CUL2: variants seen among roughly 807,000 people sequenced by gnomAD.
CUL2 encodes cullin 2.
Under a neutral mutation model 110.2 loss-of-function variants are expected in CUL2, and 22 were observed. That is an observed-to-expected ratio of 0.20 (90% CI 0.14 to 0.28). The LOEUF (loss-of-function observed/expected upper bound fraction) is 0.28, where lower values mean the gene tolerates loss of function less well. Among genes scored for constraint, CUL2 ranks in the 10% least tolerant of loss-of-function variants. The pLI, the probability that CUL2 is intolerant of heterozygous loss-of-function variation, is 1.00. For synonymous variants in CUL2, 279 were observed against 293.2 expected (o/e 0.95, Z 0.49); for missense variants, 631 against 905.5 (o/e 0.70, Z 3.89).
At chr10:35,023,759 G>A (rs35032841) in intron 17 of CUL2, among the ~76,000 whole-genome samples, 50,167 of 147,606 alleles carry the variant, frequency 0.34, 8,337 homozygotes, top group South Asian at 0.36. Flanking sequence ...TTTCTTAGGG[G>A]AAAAAAAAAA....
In CUL2 at chr10:35,089,317, G is replaced by C. The variant is rs534036917; in HGVS notation, c.-23+862C>G. ...TGAAAAGGAATGTAAGATTCTAAAG[G>C]GTAGGCAACAGTGTTTTGAATGTTT... On this transcript the variant is annotated intron_variant, in intron 1 of 20. Coordinates refer to ENST00000374749, the MANE Select transcript of CUL2 (RefSeq NM_003591.4). Among the ~76,000 whole-genome samples the C allele has an allele frequency of 1.1e-4, 16 of 152,302 alleles. No homozygotes were observed. The South Asian group carries it at 3.1e-3, about 30-fold the overall frequency.
chr10:35,074,897 C>T (rs1319873715), intron 1 of CUL2, among the ~76,000 whole-genome samples: 1 of 152,194 alleles, frequency 6.6e-6, no homozygotes, highest in Non-Finnish European at 1.5e-5. Flanking sequence ...CTTCATCGCT[C>T]TGAACTGTAA....
chr10:35,053,104 T>A (rs1219233686), intron 5 of CUL2, among the ~76,000 whole-genome samples: 3 of 152,182 alleles, frequency 2.0e-5, no homozygotes, highest in East Asian at 3.8e-4. Flanking sequence ...CTGCTGTGTG[T>A]GTGTGTGTTT....
rs2084865100 is a variant in CUL2 at position 35,010,229 on chromosome 10, G to C, written c.*82C>G. 2.4e-5 allele frequency: 34 copies of C among 1,389,608 alleles called. No homozygotes were observed. In the South Asian group the frequency reaches 6.2e-4, roughly 25 times the overall value. The allele number at this position is 1,389,608 out of a possible 1,614,324, so 86.1% of individuals were successfully genotyped here. On this transcript the variant is annotated 3_prime_UTR_variant, in exon 21 of 21. Coordinates refer to ENST00000374749, the MANE Select transcript of CUL2 (RefSeq NM_003591.4). The stretch of plus-strand genomic sequence containing the variant: ...GCTGCCAAATGACCAAATTATGGAG[G>C]CACAGTCCTGCTTTTTCCCACAGGA...
At position 35,031,731 on chromosome 10, in the gene CUL2, T is replaced by G; in HGVS notation, c.1171-112A>C. On this transcript the variant is annotated intron_variant, in intron 12 of 20. Coordinates refer to ENST00000374749, the MANE Select transcript of CUL2 (RefSeq NM_003591.4). The surrounding 1 kb of genome is among the most constrained non-coding windows in gnomAD (Gnocchi z 4.4). Reference sequence around the variant, plus strand: ...AGATCAGCGGACAGAATTTTTGCTGTTTTTTTTAGAGACCGGGTCTTGCTC... The same window carrying G: ...AGATCAGCGGACAGAATTTTTGCTGGTTTTTTTAGAGACCGGGTCTTGCTC... The G allele has an allele frequency of 8.9e-7, 1 of 1,122,534 alleles. No homozygotes were observed. Among genetic ancestry groups the G allele is most frequent in the Non-Finnish European group, 1.3e-6 (1 of 782,826 alleles). 69.5% of individuals were successfully genotyped at this position (1,122,534 alleles called of 1,614,324 possible). A position where few individuals can be genotyped will look rare whatever the true frequency, so the allele number is the denominator to read the frequency against.
chr10:35,084,943 C>A (rs2087024382), intron 1 of CUL2, among the ~76,000 whole-genome samples: 1 of 151,910 alleles, frequency 6.6e-6, no homozygotes, highest in Non-Finnish European at 1.5e-5. Flanking sequence ...CATGGTGAAA[C>A]CCCGTCTCTA....
intron 4 of CUL2, among the ~76,000 whole-genome samples, chr10:35,059,756 C>T (rs2086334853): frequency 6.6e-6 from 1 of 152,152 alleles, no homozygotes; most frequent in African/African-American, 2.4e-5. Context: ...AATGGATGGG[C>T]TTTGGATTCA....
At chr10:35,015,644 G>GA (rs1364925279) in intron 18 of CUL2, among the ~76,000 whole-genome samples, 2 of 151,854 alleles carry the variant, frequency 1.3e-5, no homozygotes, top group African/African-American at 4.8e-5. Flanking sequence ...CTTGTAACTA[G>GA]AAAAAAAGTT....
intron 20 of CUL2, among the ~76,000 whole-genome samples, chr10:35,011,357 C>T (rs896023845): frequency 2.0e-5 from 3 of 151,972 alleles, no homozygotes; most frequent in African/African-American, 7.2e-5. Context: ...GTGGCTCACA[C>T]CTGTAACCCC....
intron 1 of CUL2, among the ~76,000 whole-genome samples, chr10:35,087,397 C>A (rs1191635316): frequency 6.6e-6 from 1 of 152,142 alleles, no homozygotes; most frequent in African/African-American, 2.4e-5. Context: ...TTCCATGAAG[C>A]CAGAAATTTT....
chr10:35,123,101 G>A (rs1002949436), intron 1 of CUL2, among the ~76,000 whole-genome samples: 2 of 152,250 alleles, frequency 1.3e-5, no homozygotes, highest in East Asian at 3.9e-4. Flanking sequence ...CGGCACCACT[G>A]CACTCCAGCC....
At chr10:35,120,362 G>C (rs1449415572) in intron 1 of CUL2, 1 of 152,134 alleles carries the variant, frequency 6.6e-6, no homozygotes, top group Admixed American at 6.5e-5. Flanking sequence ...GGGTGACAGA[G>C]GGAGACCTTT....
At chr10:35,095,381 C>T (rs2087281378), upstream of CUL2, among the ~76,000 whole-genome samples, 1 of 150,720 alleles carries the variant, frequency 6.6e-6, no homozygotes, top group African/African-American at 2.4e-5. Flanking sequence ...ACCTCTATTA[C>T]AGAAATAGAG....
At chr10:35,085,809 C>CA (rs773661644) in intron 1 of CUL2, among the ~76,000 whole-genome samples, 12 of 149,742 alleles carry the variant, frequency 8.0e-5, no homozygotes, top group Non-Finnish European at 1.8e-4. Flanking sequence ...GAACACAAAA[C>CA]AAACAGTGCA....
chr10:35,047,487 G>GT (rs1291354173), intron 6 of CUL2, among the ~76,000 whole-genome samples: 1 of 151,332 alleles, frequency 6.6e-6, no homozygotes, highest in Non-Finnish European at 1.5e-5. Context: ...GTGCGCGTCT[G>GT]TAGTCCCAGC....
chr10:35,076,075 AATT>A (rs1365012136), intron 1 of CUL2, among the ~76,000 whole-genome samples: 10 of 152,174 alleles, frequency 6.6e-5, no homozygotes, highest in African/African-American at 2.2e-4. Context: ...CCATACAATA[AATT>A]ATTATTTGGC....
chr10:35,032,543 T>C (rs758475326), intron 11 of CUL2, 49 bp from the exon 12 acceptor site: 1 of 1,433,402 alleles, frequency 7.0e-7, no homozygotes, highest in African/African-American at 1.4e-5. Flanking sequence ...AGGGAAAAAG[T>C]ACAGCTAGTT....
At chr10:35,120,962 T>C (rs77215464) in intron 1 of CUL2, among the ~76,000 whole-genome samples, 22,770 of 151,860 alleles carry the variant, frequency 0.15, 1,944 homozygotes, top group East Asian at 0.24. Flanking sequence ...AATATGGATA[T>C]AATTCCCTTA....
chr10:35,030,268 T>A (rs902621335), intron 14 of CUL2, among the ~76,000 whole-genome samples: 1 of 152,276 alleles, frequency 6.6e-6, no homozygotes, highest in Non-Finnish European at 1.5e-5. Flanking sequence ...TAGCATCTAC[T>A]GAGTGCTGAA....
Sources: gnomAD v4.1 joint callset for allele counts (sites outside exome capture counted in the v4.1 genomes callset) on GRCh38, gnomAD v4.1.1 for gene constraint, Gnocchi (gnomAD v3.1) non-coding constraint, MANE v1.5 for transcripts, NCBI Gene and HGNC (gene_info 2026-07-23, HGNC 2026-07-21) for gene names.